Variants in GSE1 observed in about 807,000 individuals in gnomAD.
GSE1 encodes the protein Gse1 coiled-coil protein.
GSE1 carries 32 observed loss-of-function variants against 112.6 expected under a neutral mutation model. The observed-to-expected ratio is 0.28, with a 90% CI of 0.21 to 0.38. GSE1 has a LOEUF of 0.38. Among genes scored for constraint, GSE1 ranks in the 10% least tolerant of loss-of-function variants. The pLI, the probability that GSE1 is intolerant of heterozygous loss-of-function variation, is 1.00. For missense variants in GSE1, 2,348 were observed against 1,699.2 expected, an observed-to-expected ratio of 1.38 and a Z score of -6.71; for synonymous variants, 1,115 against 735.6, an observed-to-expected ratio of 1.52 and a Z score of -8.35.
chr16:85,373,104 C>T lies in GSE1; in HGVS notation c.2464+15461C>T, dbSNP rs1424690745. On this transcript the variant is annotated intron_variant, in intron 2 of 2. Transcript: ENST00000637419. This position sits in a 1 kb window ranked among gnomAD's most constrained non-coding sequence, Gnocchi z 5.1. ...GGCAGTGGGCTGTGGCCTTCTAGGC[C>T]CAGGTCCTCTGCCAGGACAGGCAGG... is the stretch of plus-strand genomic sequence containing the variant. 2.6e-5 allele frequency among the ~76,000 whole-genome samples: 4 copies of T among 152,232 alleles called. No individual in the cohort carries two copies. The highest frequency in any genetic ancestry group is 5.9e-5 in the Non-Finnish European group (4 of 68,048).
In GSE1 at chr16:85,665,025, A is replaced by T; in HGVS notation, c.2655A>T (p.Arg885Ser). ...CTGCTTTTCTCATAGACAAAGAGAG[A>T]CTTGTTGAAATGCTCCGTGCCATGA... ...ISAEKRKDKE[R>S]LVEMLRAMKQ... The change falls in exon 12 of 16, where the codon AGA becomes AGT. Residue 885 changes from arginine to serine, a missense_variant. Transcript: ENST00000253458. 6.2e-7 allele frequency: 1 copy of T among 1,602,708 alleles called. No homozygotes were observed. The highest frequency in any genetic ancestry group is 2.2e-5 in the East Asian group (1 of 44,806).
intron 1 of GSE1, among the ~76,000 whole-genome samples, chr16:85,234,863 G>A (rs892143378): frequency 6.6e-6 from 1 of 152,210 alleles, no homozygotes; most frequent in Non-Finnish European, 1.5e-5. Flanking sequence ...GGGATTAGAA[G>A]GCATCTGGCT....
At position 85,655,825 on chromosome 16, in the gene GSE1, G is replaced by A. The variant is rs767769127; in HGVS notation, c.897G>A (p.Leu299=). The change falls in exon 6 of 16, where the codon CTG becomes CTA. Residue 299 remains leucine, a synonymous_variant. Transcript: ENST00000253458. The part of the protein sequence containing the change: ...LPPLHPSAMH[L]HLSGVRYPPE... ...CACTGCACCCATCAGCGATGCACCT[G>A]CACCTCTCTGGGGTCCGCTACCCTC... The A allele has an allele frequency of 2.7e-5, 43 of 1,610,150 alleles. No individual in the cohort carries two copies. In the South Asian group the frequency reaches 4.2e-4, roughly 16 times the overall value.
intron 2 of GSE1, among the ~76,000 whole-genome samples, chr16:85,533,062 C>A (rs2151187731): frequency 6.6e-6 from 1 of 152,270 alleles, no homozygotes; most frequent in African/African-American, 2.4e-5. Flanking sequence ...GTGAGGACAG[C>A]AACCCAGTGG....
In GSE1 at chr16:85,255,050, G is replaced by A. The variant is rs944565212; in HGVS notation, c.2283+83243G>A. Among the ~76,000 whole-genome samples, 21 of 152,344 alleles carry A rather than the reference G, an allele frequency of 1.4e-4. No individual in the cohort carries two copies. The East Asian group carries it at 3.5e-3, about 25-fold the overall frequency. ...TCTCTGCAGGGACCCGCCACCCACC[G>A]GATCCCGGTGCCGGAGCAGATGGGC... is the stretch of plus-strand genomic sequence containing the variant. On this transcript the variant is annotated intron_variant, in intron 1 of 2. Transcript: ENST00000637419.
At chr16:85,647,184 C>A (rs2050943893) in intron 2 of GSE1, among the ~76,000 whole-genome samples, 1 of 152,218 alleles carries the variant, frequency 6.6e-6, no homozygotes, top group Non-Finnish European at 1.5e-5. Context: ...CCGTCCATGC[C>A]CCCTGTCCTT....
In GSE1 at chr16:85,665,990, C is replaced by G. The variant is rs775057232; in HGVS notation, c.2773C>G (p.Gln925Glu). The G allele has an allele frequency of 1.2e-6, 2 of 1,613,024 alleles. No individual in the cohort carries two copies. Among genetic ancestry groups the G allele is most frequent in the African/African-American group, 1.3e-5 (1 of 75,064 alleles). ...GTCTCTAAAAGAACCAGCCACGCAG[C>G]AAGCCTCTCTGGATGTGGAGAAGCC... ...AVSLSEPATQ[Q>E]ASLDVEKPVG... The change falls in exon 13 of 16, where the codon CAA becomes GAA. Residue 925 changes from glutamine to glutamate, a missense_variant. Gln to Glu is a conservative substitution (Grantham distance 29). Coordinates refer to ENST00000253458, the MANE Select transcript of GSE1 (RefSeq NM_014615.5).
At chr16:85,610,233 G>A (rs2047905751), upstream of GSE1, among the ~76,000 whole-genome samples, 1 of 152,240 alleles carries the variant, frequency 6.6e-6, no homozygotes, top group Non-Finnish European at 1.5e-5. Flanking sequence ...CCCAGGGCAG[G>A]TGTCCTGCTC....
chr16:85,311,476 C>T lies in GSE1; in HGVS notation c.2284-45987C>T, dbSNP rs918432560. ...GGGGACAGGACGTGGGCGGAGCCCT[C>T]GGCTGCCTCCCACCGTGGGACATTG... On this transcript the variant is annotated intron_variant, in intron 1 of 2. Transcript: ENST00000637419. The surrounding 1 kb of genome is among the most constrained non-coding windows in gnomAD (Gnocchi z 4.2). 7.8e-5 allele frequency among the ~76,000 whole-genome samples: 11 copies of T among 140,756 alleles called. No homozygotes were observed. Among genetic ancestry groups the T allele is most frequent in the Non-Finnish European group, 4.7e-5 (3 of 63,942 alleles). The allele number at this position is 140,756 out of a possible 152,430, so 92.3% of individuals were successfully genotyped here. A position where few individuals can be genotyped will look rare whatever the true frequency, so the allele number is the denominator to read the frequency against.
At chr16:85,348,091 A>T (rs1016707151) in intron 1 of GSE1, among the ~76,000 whole-genome samples, 33 of 152,162 alleles carry the variant, frequency 2.2e-4, no homozygotes, top group Non-Finnish European at 4.3e-4. Flanking sequence ...CAGGGCTCGA[A>T]AAAATAAAAA....
At chr16:85,170,145 G>A (rs971525960) in exon 1 of GSE1, 152 of 985,162 alleles carry the variant, frequency 1.5e-4, no homozygotes, top group Non-Finnish European at 1.8e-4. Context: ...GGCCTCGCGG[G>A]GGGCGCGGCC....
intron 1 of GSE1, among the ~76,000 whole-genome samples, chr16:85,263,946 G>T (rs896052368): frequency 6.6e-6 from 1 of 152,108 alleles, no homozygotes; most frequent in Admixed American, 6.5e-5. Context: ...TGGTCGGCAG[G>T]GTGGACAGAC....
chr16:85,600,063 G>A (rs1222269452), intron 1 of GSE1, among the ~76,000 whole-genome samples: 5 of 152,336 alleles, frequency 3.3e-5, no homozygotes, highest in East Asian at 1.9e-4. Flanking sequence ...TGTGGCCTCC[G>A]AGGGCGGCTG....
chr16:85,453,790 T>C (rs1014407064), intron 2 of GSE1, among the ~76,000 whole-genome samples: 1 of 152,148 alleles, frequency 6.6e-6, no homozygotes, highest in Non-Finnish European at 1.5e-5. Flanking sequence ...CCCATCCAGC[T>C]CTGGGCGGAC....
chr16:85,352,775 A>G (rs2046877353), intron 1 of GSE1, among the ~76,000 whole-genome samples: 1 of 152,178 alleles, frequency 6.6e-6, no homozygotes, highest in African/African-American at 2.4e-5. Flanking sequence ...GTGTCCATTA[A>G]TATTGACCAG....
intron 1 of GSE1, among the ~76,000 whole-genome samples, chr16:85,273,707 G>A (rs1909077962): frequency 6.6e-6 from 1 of 151,924 alleles, no homozygotes; most frequent in Admixed American, 6.6e-5. Context: ...GGTTTTTTTT[G>A]AGATGGAGTT....
intron 1 of GSE1, among the ~76,000 whole-genome samples, chr16:85,216,469 A>G (rs2075308070): frequency 6.6e-6 from 1 of 152,240 alleles, no homozygotes; most frequent in Non-Finnish European, 1.5e-5. Flanking sequence ...ATATAATGTT[A>G]TCTGATTATA....
At chr16:85,463,797 G>A (rs555115552) in intron 2 of GSE1, among the ~76,000 whole-genome samples, 1 of 152,284 alleles carries the variant, frequency 6.6e-6, no homozygotes, top group East Asian at 1.9e-4. Context: ...CCATCGGAGA[G>A]AGGGTGAGCG....
chr16:85,325,837 A>T (rs1249850025), intron 1 of GSE1, among the ~76,000 whole-genome samples: 1 of 151,374 alleles, frequency 6.6e-6, no homozygotes, highest in Admixed American at 6.6e-5. Flanking sequence ...GCTCACTGCA[A>T]CCTCCGCCTC....
Sources: allele counts gnomAD v4.1 joint callset (sites outside exome capture counted in the v4.1 genomes callset), GRCh38; gene constraint gnomAD v4.1.1; non-coding constraint Gnocchi (gnomAD v3.1); transcripts MANE v1.5; gene names NCBI Gene and HGNC (gene_info 2026-07-23, HGNC 2026-07-21).